The following KCNH5 variants were observed in gnomAD, a reference collection of about 807,000 sequenced individuals.
The protein encoded by KCNH5 is potassium voltage-gated channel subfamily H member 5.
KCNH5 carries 46 observed loss-of-function variants against 96.1 expected under a neutral mutation model. The observed-to-expected ratio is 0.48, with a 90% CI of 0.38 to 0.61. The LOEUF is 0.61. Among genes scored for constraint, KCNH5 ranks in the 20% least tolerant of loss-of-function variants. KCNH5 has a pLI of 0.00. For synonymous variants in KCNH5, 439 were observed against 449.8 expected, an observed-to-expected ratio of 0.98 and a Z score of 0.30; for missense variants, 907 against 1,225.8, an observed-to-expected ratio of 0.74 and a Z score of 3.88.
At chr14:62,958,982 CA>C (rs902095378) in intron 6 of KCNH5, among the ~76,000 whole-genome samples, 3 of 151,636 alleles carry the variant, frequency 2.0e-5, no homozygotes, top group South Asian at 2.1e-4. Flanking sequence ...TCTCATTAAG[CA>C]AAAAAAATTA....
At chr14:62,871,095 C>A (rs1888244496) in intron 7 of KCNH5, among the ~76,000 whole-genome samples, 1 of 152,128 alleles carries the variant, frequency 6.6e-6, no homozygotes, top group African/African-American at 2.4e-5. Flanking sequence ...AATGAAAAGT[C>A]AAACATGTCA....
chr14:62,898,091 A>T (rs1888851954), intron 7 of KCNH5, among the ~76,000 whole-genome samples: 1 of 152,196 alleles, frequency 6.6e-6, no homozygotes, highest in South Asian at 2.1e-4. Flanking sequence ...AAAAATAAAT[A>T]AGACCAGATA....
intron 9 of KCNH5, among the ~76,000 whole-genome samples, chr14:62,791,419 T>G (rs1886432058): frequency 2.0e-5 from 3 of 151,580 alleles, no homozygotes; most frequent in Admixed American, 2.0e-4. Flanking sequence ...AGAATAAGTC[T>G]TTACCTATCA....
intron 7 of KCNH5, among the ~76,000 whole-genome samples, chr14:62,924,157 A>G (rs1300147599): frequency 6.6e-6 from 1 of 152,074 alleles, no homozygotes; most frequent in Non-Finnish European, 1.5e-5. Context: ...AAAATGGGCA[A>G]AGGACCTGAA....
chr14:62,997,534 T>A (rs1480086434), intron 4 of KCNH5, among the ~76,000 whole-genome samples: 1 of 152,148 alleles, frequency 6.6e-6, no homozygotes, highest in Non-Finnish European at 1.5e-5. Flanking sequence ...GGTTTTTGCA[T>A]GTTAAACCAG....
intron 6 of KCNH5, among the ~76,000 whole-genome samples, chr14:62,964,182 A>G (rs1890263271): frequency 6.6e-6 from 1 of 152,082 alleles, no homozygotes; most frequent in Non-Finnish European, 1.5e-5. Flanking sequence ...CCTTGGGCCA[A>G]GTTCCCCAGA....
At chr14:63,025,358 C>T (rs1292365081) in intron 1 of KCNH5, among the ~76,000 whole-genome samples, 1 of 151,954 alleles carries the variant, frequency 6.6e-6, no homozygotes, top group African/African-American at 2.4e-5. Flanking sequence ...CAATTTCTAG[C>T]TGAAATCCTA....
chr14:62,741,354 T>C (rs964969615), intron 10 of KCNH5, among the ~76,000 whole-genome samples: 8 of 152,164 alleles, frequency 5.3e-5, no homozygotes, highest in African/African-American at 1.7e-4. Context: ...ATATTGCAGG[T>C]AGAGTAACTT....
chr14:62,775,177 C>CA (rs1452735369), intron 10 of KCNH5, among the ~76,000 whole-genome samples: 2 of 152,124 alleles, frequency 1.3e-5, no homozygotes, highest in Non-Finnish European at 2.9e-5. Flanking sequence ...AGTTGTCTAG[C>CA]AACCTTTCCA....
At chr14:62,826,403 C>CATGT (rs1482664170) in intron 8 of KCNH5, among the ~76,000 whole-genome samples, 43 of 93,820 alleles carry the variant, frequency 4.6e-4, no homozygotes, top group African/African-American at 7.9e-4. Context: ...TGTGTGCGTG[C>CATGT]GTGCATGTGT....
Position 62,753,365 on chromosome 14 carries a change from C to T in KCNH5, c.2019+26363G>A, listed in dbSNP as rs190016607. On this transcript the variant is annotated intron_variant, in intron 10 of 10. Transcript: ENST00000322893. ...AAAGTTCTGGAAAATAGCCTCAAAA[C>T]GGCAAATCTAAGAGTTACTGGTCTT... is the stretch of plus-strand genomic sequence containing the variant. Among the ~76,000 whole-genome samples, 36 of 151,972 alleles carry T rather than the reference C, an allele frequency of 2.4e-4. No homozygotes were observed. In the South Asian group the frequency reaches 3.1e-3, roughly 13 times the overall value.
At position 63,045,108 on chromosome 14, in the gene KCNH5, C is replaced by T. The variant is rs1055171414; in HGVS notation, c.73+6G>A. ...TGGGGGTGTTCTGAACTACAACTCTCCTTACCACTGGAGCGCCTGACGATG... is the reference window on the plus strand; with the variant it reads ...TGGGGGTGTTCTGAACTACAACTCTTCTTACCACTGGAGCGCCTGACGATG... On this transcript the variant is annotated splice_donor_region_variant and intron_variant, in intron 1 of 10. Coordinates refer to ENST00000322893, the MANE Select transcript of KCNH5 (RefSeq NM_139318.5). 1 of 1,612,618 alleles carries T rather than the reference C, an allele frequency of 6.2e-7. No individual in the cohort carries two copies. Among genetic ancestry groups the T allele is most frequent in the Non-Finnish European group, 8.5e-7 (1 of 1,178,980 alleles).
intron 6 of KCNH5, among the ~76,000 whole-genome samples, chr14:62,965,174 A>C (rs1285435798): frequency 2.0e-5 from 3 of 152,096 alleles, no homozygotes; most frequent in Non-Finnish European, 4.4e-5. Context: ...AATCCTTCTT[A>C]TGTCGTTGCT....
chr14:62,947,190 AG>A (rs1293321518), intron 7 of KCNH5, among the ~76,000 whole-genome samples: 1 of 152,188 alleles, frequency 6.6e-6, no homozygotes, highest in East Asian at 1.9e-4. Context: ...CAAAACAAAA[AG>A]GTTTTCTTTT....
At chr14:62,791,081 C>T (rs899812887) in intron 9 of KCNH5, among the ~76,000 whole-genome samples, 16 of 151,610 alleles carry the variant, frequency 1.1e-4, no homozygotes, top group Non-Finnish European at 2.2e-4. Context: ...TTTAGTTGTT[C>T]CCCATTGATC....
At chr14:62,885,295 T>G (rs1888574337) in intron 7 of KCNH5, among the ~76,000 whole-genome samples, 1 of 152,194 alleles carries the variant, frequency 6.6e-6, no homozygotes, top group Non-Finnish European at 1.5e-5. Flanking sequence ...TTCTTAGCTC[T>G]AAGACAATTA....
At chr14:62,867,000 T>A (rs1888146834) in intron 7 of KCNH5, among the ~76,000 whole-genome samples, 1 of 152,176 alleles carries the variant, frequency 6.6e-6, no homozygotes, top group African/African-American at 2.4e-5. Flanking sequence ...TACTTATAGT[T>A]CTGTAGGGTA....
chr14:62,961,899 T>TGGA (rs1410634199), intron 6 of KCNH5, among the ~76,000 whole-genome samples: 3,386 of 137,726 alleles, frequency 0.025, 70 homozygotes, highest in African/African-American at 0.069. Context: ...GAGATGGAGA[T>TGGA]GATGCAGATG....
intron 7 of KCNH5, among the ~76,000 whole-genome samples, chr14:62,871,999 C>A (rs1888265353): frequency 6.6e-6 from 1 of 152,186 alleles, no homozygotes; most frequent in African/African-American, 2.4e-5. Flanking sequence ...ATCTCTCTCA[C>A]CCTTCTCCCT....
Sources: allele counts gnomAD v4.1 joint callset (sites outside exome capture counted in the v4.1 genomes callset), GRCh38; gene constraint gnomAD v4.1.1; transcripts MANE v1.5; gene names NCBI Gene and HGNC (gene_info 2026-07-23, HGNC 2026-07-21).